Variants in SYT2 observed in about 807,000 individuals in gnomAD.
The protein encoded by SYT2 is synaptotagmin-2.
Under a neutral mutation model 39.9 loss-of-function variants are expected in SYT2, and 15 were observed. That is an observed-to-expected ratio of 0.38 (90% CI 0.25 to 0.58). SYT2 has a LOEUF of 0.58. Ranked by LOEUF, SYT2 falls within the 20% of genes least tolerant of loss-of-function variation. SYT2 has a pLI of 0.70. For missense variants in SYT2, 389 were observed against 530.3 expected (o/e 0.73, Z 2.62); for synonymous variants, 181 against 204.5 (o/e 0.89, Z 0.98).
intron 1 of SYT2, among the ~76,000 whole-genome samples, chr1:202,653,480 A>AC (rs1692227408): frequency 2.5e-5 from 2 of 79,158 alleles, no homozygotes; most frequent in Non-Finnish European, 5.3e-5. Context: ...CCCCACCCCC[A>AC]CCCAAAGCAT....
At chr1:202,691,775 GAGAGAGAGAT>G (rs1653841352) in intron 1 of SYT2, among the ~76,000 whole-genome samples, 44 of 144,712 alleles carry the variant, frequency 3.0e-4, no homozygotes, top group African/African-American at 8.3e-4. Flanking sequence ...GAGAGAGAGA[GAGAGAGAGAT>G]GGGAGAGGGT....
At chr1:202,681,090 C>G (rs1572675939) in intron 1 of SYT2, among the ~76,000 whole-genome samples, 1 of 152,072 alleles carries the variant, frequency 6.6e-6, no homozygotes, top group African/African-American at 2.4e-5. Context: ...CAGATCCTCC[C>G]CACCCCTGGT....
intron 1 of SYT2, among the ~76,000 whole-genome samples, chr1:202,644,802 A>G (rs1692043637): frequency 6.6e-6 from 1 of 152,074 alleles, no homozygotes; most frequent in African/African-American, 2.4e-5. Flanking sequence ...GAAATTCCCA[A>G]TACCCGCAGT....
chr1:202,640,529 C>G lies in SYT2; in HGVS notation c.-17-34740G>C, dbSNP rs1200998471. ...CTTTAGCCACTCACTCCAGGGACATCTGGCTTTACCGCCTCTCTGCTTCTC... is the reference window on the plus strand; with the variant it reads ...CTTTAGCCACTCACTCCAGGGACATGTGGCTTTACCGCCTCTCTGCTTCTC... On this transcript the variant is annotated intron_variant, in intron 1 of 8. Transcript: ENST00000367268. Among the ~76,000 whole-genome samples, 15 of 126,336 alleles carry G rather than the reference C, an allele frequency of 1.2e-4. No homozygotes were observed. In the East Asian group the frequency reaches 2.9e-3, roughly 24 times the overall value. 82.9% of individuals were successfully genotyped at this position (126,336 alleles called of 152,430 possible).
In SYT2 at chr1:202,614,096, C is replaced by G. The variant is rs1420770401; in HGVS notation, c.-17-8307G>C. 6.6e-6 allele frequency among the ~76,000 whole-genome samples: 1 copy of G among 152,180 alleles called. No individual in the cohort carries two copies. Among genetic ancestry groups the G allele is most frequent in the African/African-American group, 2.4e-5 (1 of 41,438 alleles). On this transcript the variant is annotated intron_variant, in intron 1 of 8. Coordinates refer to ENST00000367268, the MANE Select transcript of SYT2 (RefSeq NM_177402.5). This position sits in a 1 kb window ranked among gnomAD's most constrained non-coding sequence, Gnocchi z 4.0. ...AGGGACCCAAGGTTCATGGTGGATG[C>G]AGGCCTTCTCTCCAGACTGACCGTC... is the stretch of plus-strand genomic sequence containing the variant.
At chr1:202,706,829 T>G (rs919409655) in intron 1 of SYT2, among the ~76,000 whole-genome samples, 1 of 152,232 alleles carries the variant, frequency 6.6e-6, no homozygotes, top group African/African-American at 2.4e-5. Flanking sequence ...GAACTGCATC[T>G]GTCTGGTGGT....
chr1:202,638,227 G>C (rs6658260), intron 1 of SYT2, among the ~76,000 whole-genome samples: 1 of 152,226 alleles, frequency 6.6e-6, no homozygotes, highest in African/African-American at 2.4e-5. Flanking sequence ...CTGGGGAAAG[G>C]CTGTGGGCTT....
intron 1 of SYT2, among the ~76,000 whole-genome samples, chr1:202,696,679 T>C (rs1257909647): frequency 6.6e-6 from 1 of 152,152 alleles, no homozygotes; most frequent in Non-Finnish European, 1.5e-5. Context: ...CTGAGGCACA[T>C]GGGAGCCTGA....
chr1:202,687,768 A>T (rs574740711), intron 1 of SYT2, among the ~76,000 whole-genome samples: 3 of 151,344 alleles, frequency 2.0e-5, no homozygotes, highest in Admixed American at 6.6e-5. Flanking sequence ...AGGATTCTGC[A>T]AAAAAAAGCC....
rs913052172 is a variant in SYT2 at position 202,592,626 on chromosome 1, C to T, written c.*4131G>A. ...ATAATTAAATATACACGGATGGGGG[C>T]AGATGAGGCTCAAATGGCTTCAGAA... On this transcript the variant is annotated 3_prime_UTR_variant, in exon 9 of 9. Coordinates refer to ENST00000367268, the MANE Select transcript of SYT2 (RefSeq NM_177402.5). The T allele has an allele frequency of 2.0e-5, 3 of 152,124 alleles. No individual in the cohort carries two copies. The highest frequency in any genetic ancestry group is 4.4e-5 in the Non-Finnish European group (3 of 68,024). 9.4% of individuals were successfully genotyped at this position (152,124 alleles called of 1,614,324 possible).
intron 1 of SYT2, among the ~76,000 whole-genome samples, chr1:202,685,081 T>C (rs1255140870): frequency 2.0e-5 from 3 of 152,132 alleles, no homozygotes; most frequent in Non-Finnish European, 4.4e-5. Context: ...TGGTCGCCTG[T>C]GAGGGGAAGT....
At chr1:202,686,732 G>A (rs531578355) in intron 1 of SYT2, among the ~76,000 whole-genome samples, 2 of 152,098 alleles carry the variant, frequency 1.3e-5, no homozygotes, top group South Asian at 2.1e-4. Context: ...CTAGCTCTCT[G>A]CCTCTTCCAA....
chr1:202,667,359 G>A (rs1399034223), intron 1 of SYT2, among the ~76,000 whole-genome samples: 1 of 152,132 alleles, frequency 6.6e-6, no homozygotes. Flanking sequence ...CTCCACCAAC[G>A]CCTGCCTGTG....
At chr1:202,691,375 C>T (rs577854623) in intron 1 of SYT2, among the ~76,000 whole-genome samples, 107 of 152,106 alleles carry the variant, frequency 7.0e-4, no homozygotes, top group Admixed American at 1.4e-3. Context: ...TGGCCAGGCA[C>T]GGTAGCTCAC....
chr1:202,667,805 C>T (rs1019735747), intron 1 of SYT2, among the ~76,000 whole-genome samples: 2 of 151,978 alleles, frequency 1.3e-5, no homozygotes, highest in Admixed American at 1.3e-4. Context: ...CTCTGCCTCC[C>T]GGGTTCAAGC....
intron 1 of SYT2, among the ~76,000 whole-genome samples, chr1:202,606,254 A>G (rs1690705228): frequency 6.6e-6 from 1 of 152,184 alleles, no homozygotes; most frequent in South Asian, 2.1e-4. Flanking sequence ...AGTTTTTCCA[A>G]GGTCACTTAG....
intron 1 of SYT2, among the ~76,000 whole-genome samples, chr1:202,683,047 A>T (rs2149113513): frequency 6.6e-6 from 1 of 152,314 alleles, no homozygotes; most frequent in African/African-American, 2.4e-5. Flanking sequence ...TGGAAGAGAG[A>T]TGCCATGTAC....
intron 1 of SYT2, among the ~76,000 whole-genome samples, chr1:202,621,655 G>A (rs1198214926): frequency 2.6e-5 from 4 of 152,166 alleles, no homozygotes; most frequent in Non-Finnish European, 4.4e-5. Context: ...AGCTCACCCA[G>A]AAATCGCCTG....
intron 1 of SYT2, among the ~76,000 whole-genome samples, chr1:202,685,653 C>T (rs1046374295): frequency 2.6e-5 from 4 of 151,982 alleles, no homozygotes; most frequent in African/African-American, 7.3e-5. Flanking sequence ...CCTTGGAAGC[C>T]GGTGTCTGGG....
Sources: allele counts gnomAD v4.1 joint callset (sites outside exome capture counted in the v4.1 genomes callset), GRCh38; gene constraint gnomAD v4.1.1; non-coding constraint Gnocchi (gnomAD v3.1); transcripts MANE v1.5; gene names NCBI Gene and HGNC (gene_info 2026-07-23, HGNC 2026-07-21).